AGBL3: variants seen among roughly 807,000 people sequenced by gnomAD.
AGBL3 encodes the protein AGBL carboxypeptidase 3, also known as cytosolic carboxypeptidase 3.
In AGBL3, 68 loss-of-function variants were observed where a neutral mutation model predicts 94.5. The observed-to-expected ratio is 0.72, with a 90% CI of 0.59 to 0.88. The LOEUF is 0.88. Ranked by LOEUF, AGBL3 falls within the 40% of genes least tolerant of loss-of-function variation. The pLI, the probability that AGBL3 is intolerant of heterozygous loss-of-function variation, is 0.00. For synonymous variants in AGBL3, 354 were observed against 370.7 expected, an observed-to-expected ratio of 0.95 and a Z score of 0.52; for missense variants, 934 against 1,103.8, an observed-to-expected ratio of 0.85 and a Z score of 2.18.
intron 15 of AGBL3, among the ~76,000 whole-genome samples, chr7:135,108,608 T>C (rs977899324): frequency 2.6e-5 from 4 of 152,214 alleles, no homozygotes; most frequent in African/African-American, 9.6e-5. Context: ...TGACCTGCCC[T>C]TTCTCTCTAC....
rs1026318063 is a variant in AGBL3, at chr7:135,053,109, G to A, written c.1842-6060G>A. On this transcript the variant is annotated intron_variant, in intron 11 of 16. Coordinates refer to ENST00000436302, the MANE Select transcript of AGBL3 (RefSeq NM_178563.4). Reference sequence around the variant, plus strand: ...ATATAAACCAATTTTAAATGAAAGCGTCCAAATATTTTAAGAACTTTGCAT... The same window carrying A: ...ATATAAACCAATTTTAAATGAAAGCATCCAAATATTTTAAGAACTTTGCAT... Among the ~76,000 whole-genome samples, 9 of 152,212 alleles carry A rather than the reference G, an allele frequency of 5.9e-5. No individual in the cohort carries two copies. In the South Asian group the frequency reaches 6.2e-4, roughly 11 times the overall value.
At chr7:135,052,028 A>G (rs1417242797) in intron 11 of AGBL3, among the ~76,000 whole-genome samples, 1 of 152,246 alleles carries the variant, frequency 6.6e-6, no homozygotes, top group East Asian at 1.9e-4. Flanking sequence ...TATATAACAC[A>G]TTTACATAAG....
At chr7:135,072,404 C>A (rs1430003470) in intron 12 of AGBL3, among the ~76,000 whole-genome samples, 2 of 152,128 alleles carry the variant, frequency 1.3e-5, no homozygotes, top group African/African-American at 4.8e-5. Context: ...CCCAGCCTTC[C>A]CATTACTGGG....
intron 15 of AGBL3, among the ~76,000 whole-genome samples, chr7:135,106,753 C>T (rs1465375799): frequency 1.3e-5 from 2 of 152,140 alleles, no homozygotes; most frequent in African/African-American, 2.4e-5. Context: ...GGAGTCCCTC[C>T]TCCTCAGCTT....
At chr7:135,074,195 TTTTA>T (rs1045283369) in intron 12 of AGBL3, among the ~76,000 whole-genome samples, 1 of 152,162 alleles carries the variant, frequency 6.6e-6, no homozygotes, top group Non-Finnish European at 1.5e-5. Context: ...TATATACAAT[TTTTA>T]TTTGTCAGTT....
chr7:135,118,213 A>C (rs1431396028), intron 16 of AGBL3, among the ~76,000 whole-genome samples: 1 of 152,174 alleles, frequency 6.6e-6, no homozygotes, highest in African/African-American at 2.4e-5. Context: ...GTAACCAAAG[A>C]GGTCTTAGTT....
At chr7:135,096,775 GAAAGAA>G (rs1554516789) in intron 15 of AGBL3, among the ~76,000 whole-genome samples, 1 of 148,656 alleles carries the variant, frequency 6.7e-6, no homozygotes, top group Admixed American at 6.7e-5. Flanking sequence ...AAGAAAGAAA[GAAAGAA>G]AGAAAGAAAG....
At chr7:135,098,530 A>G (rs1032840115) in intron 15 of AGBL3, among the ~76,000 whole-genome samples, 3 of 152,214 alleles carry the variant, frequency 2.0e-5, no homozygotes, top group Non-Finnish European at 4.4e-5. Context: ...CCACACAAAC[A>G]ATGCCAACTG....
chr7:135,120,430 AC>A (rs1298726744), intron 16 of AGBL3, among the ~76,000 whole-genome samples: 2 of 152,248 alleles, frequency 1.3e-5, no homozygotes, highest in East Asian at 3.8e-4. Flanking sequence ...GTAGTATAAT[AC>A]AGCAACCACT....
At chr7:135,087,051 A>G (rs553311903) in intron 15 of AGBL3, among the ~76,000 whole-genome samples, 1 of 151,862 alleles carries the variant, frequency 6.6e-6, no homozygotes, top group Non-Finnish European at 1.5e-5. Context: ...TGGGTTTTCT[A>G]TTTCTTCTTT....
intron 15 of AGBL3, chr7:135,094,416 A>G (rs1822333798): frequency 4.4e-6 from 2 of 456,568 alleles, no homozygotes; most frequent in African/African-American, 2.0e-5. Context: ...ACTGGTAGGA[A>G]CACTTAAACA....
chr7:135,128,291 C>CAAAAAAAAAAAAAA (rs61217008), intron 16 of AGBL3, among the ~76,000 whole-genome samples: 1 of 58,074 alleles, frequency 1.7e-5, no homozygotes. Context: ...GACTCCATCT[C>CAAAAAAAAAAAAAA]AAAAAAAAAA....
At chr7:135,037,014 G>A (rs1429885635) in intron 7 of AGBL3, among the ~76,000 whole-genome samples, 2 of 152,030 alleles carry the variant, frequency 1.3e-5, no homozygotes, top group Non-Finnish European at 2.9e-5. Context: ...CTGCCTCCTG[G>A]GTTCAAGCAA....
At position 135,106,078 on chromosome 7, in the gene AGBL3, A is replaced by G. The variant is rs577213191; in HGVS notation, c.2111-9302A>G. 3.3e-4 allele frequency among the ~76,000 whole-genome samples: 50 copies of G among 152,206 alleles called. 1 individual carries two copies. The South Asian group carries it at 7.5e-3, about 23-fold the overall frequency. ...ATAGGAATGCCAGTGATTTTTGTAC[A>G]TTGATTTTGTATCCTGAAACTTCCT... On this transcript the variant is annotated intron_variant, in intron 15 of 16. Transcript: ENST00000436302.
intron 4 of AGBL3, chr7:135,011,737 A>C (rs1159066236): frequency 6.6e-6 from 1 of 152,196 alleles, no homozygotes; most frequent in Admixed American, 6.5e-5. Context: ...TCTGTTTCAC[A>C]GAAACCTTGC....
At chr7:135,089,102 T>A (rs560303662) in intron 15 of AGBL3, among the ~76,000 whole-genome samples, 1 of 152,020 alleles carries the variant, frequency 6.6e-6, no homozygotes, top group Non-Finnish European at 1.5e-5. Context: ...TATTTCAGAC[T>A]ACCTGTCTTT....
At chr7:135,026,244 A>ATTATTTTATT (rs1554497685) in intron 5 of AGBL3, among the ~76,000 whole-genome samples, 6,093 of 81,382 alleles carry the variant, frequency 0.075, 287 homozygotes, top group Non-Finnish European at 0.13. Context: ...AATGAATACC[A>ATTATTTTATT]TTATTTTATT....
chr7:134,991,378 T>C (rs1349536628), intron 3 of AGBL3, among the ~76,000 whole-genome samples: 2 of 152,148 alleles, frequency 1.3e-5, no homozygotes, highest in Non-Finnish European at 2.9e-5. Flanking sequence ...GGACCCCTTT[T>C]CCTGGGTCTT....
chr7:135,034,367 T>A lies in AGBL3; in HGVS notation c.776T>A (p.Ile259Lys), dbSNP rs1256551260. Residue 259 changes from isoleucine (I) to lysine (K), a missense_variant, in exon 7 of 17, where the codon ATA becomes AAA. Ile to Lys is a moderately radical substitution (Grantham distance 102). Coordinates refer to ENST00000436302, the MANE Select transcript of AGBL3 (RefSeq NM_178563.4). ...GCTCATCACATTGGCTGGCAGAGAATAGGAGACCAAATCAAGTATTATAGG... is the reference window on the plus strand; with the variant it reads ...GCTCATCACATTGGCTGGCAGAGAAAAGGAGACCAAATCAAGTATTATAGG... ...AKAHHIGWQR[I>K]GDQIKYYRNN... 6.4e-7 allele frequency: 1 copy of A among 1,551,628 alleles called. No individual in the cohort carries two copies.
Sources: gnomAD v4.1 joint callset for allele counts (sites outside exome capture counted in the v4.1 genomes callset) on GRCh38, gnomAD v4.1.1 for gene constraint, MANE v1.5 for transcripts, NCBI Gene and HGNC (gene_info 2026-07-23, HGNC 2026-07-21) for gene names.